Variants in PCDHA3 observed in about 807,000 individuals in gnomAD.
PCDHA3 encodes the protein protocadherin alpha 3, also known as protocadherin alpha-3.
PCDHA3 carries 41 observed loss-of-function variants against 62.2 expected under a neutral mutation model. The ratio of observed to expected loss-of-function variants is 0.66; its 90% confidence interval spans 0.51 to 0.86. The LOEUF (loss-of-function observed/expected upper bound fraction) is 0.86, where lower values mean the gene tolerates loss of function less well. Among genes scored for constraint, PCDHA3 ranks in the 40% least tolerant of loss-of-function variants. The probability of loss-of-function intolerance (pLI) is 0.00; values close to 1 mark genes in which losing one functional copy is unlikely to be tolerated. For missense variants in PCDHA3, 1,304 were observed against 1,241.2 expected (o/e 1.05, Z -0.76); for synonymous variants, 640 against 555.4 (o/e 1.15, Z -2.14).
intron 1 of PCDHA3, chr5:140,865,192 A>G (rs1306002523): frequency 6.6e-6 from 1 of 152,218 alleles, no homozygotes; most frequent in Admixed American, 6.5e-5. Context: ...CCTTCACACC[A>G]TATTAATGTG....
intron 1 of PCDHA3, chr5:140,825,461 A>T (rs1460892772): frequency 6.7e-6 from 1 of 149,438 alleles, no homozygotes; most frequent in Non-Finnish European, 1.5e-5. Context: ...AGATATTTTG[A>T]TACAGAATTT....
intron 1 of PCDHA3, chr5:140,851,337 C>A: frequency 1.0e-6 from 1 of 979,030 alleles, no homozygotes; most frequent in Non-Finnish European, 1.2e-6. Flanking sequence ...TAGTTCTCTA[C>A]ATTTCTCTGG....
chr5:140,911,381 G>A (rs2075444647), intron 1 of PCDHA3, among the ~76,000 whole-genome samples: 1 of 152,116 alleles, frequency 6.6e-6, no homozygotes, highest in African/African-American at 2.4e-5. Context: ...GGCTGTGCAT[G>A]CACCTTTCAT....
chr5:140,971,599 A>G (rs891227830), intron 1 of PCDHA3, among the ~76,000 whole-genome samples: 1 of 152,140 alleles, frequency 6.6e-6, no homozygotes, highest in African/African-American at 2.4e-5. Flanking sequence ...GTTACTACAG[A>G]TGGCAGGAGA....
chr5:140,891,912 T>C (rs2063306720), intron 1 of PCDHA3, among the ~76,000 whole-genome samples: 1 of 152,244 alleles, frequency 6.6e-6, no homozygotes, highest in Admixed American at 6.5e-5. Context: ...CTTCACCAGA[T>C]GCTGGTGCCT....
chr5:140,801,725 A>C lies in PCDHA3; in HGVS notation c.528A>C (p.Glu176Asp). The C allele has an allele frequency of 6.3e-7, 1 of 1,578,156 alleles. No homozygotes were observed. The highest frequency in any genetic ancestry group is 1.3e-5 in the African/African-American group (1 of 74,756). ...TGACTTACAGTCTTGATTCCACTGA[A>C]TATTTTACCTTGGACGTTAAAAGAA... ...SLLTYSLDSTEYFTLDVKRND... is the reference protein window; with the variant it reads ...SLLTYSLDSTDYFTLDVKRND... Residue 176 changes from glutamate to aspartate, a missense_variant, in exon 1 of 4, where the codon GAA (glutamate) becomes GAC (aspartate). Physicochemically the swap from Glu to Asp is conservative, Grantham distance 45. Coordinates refer to ENST00000522353, the MANE Select transcript of PCDHA3 (RefSeq NM_018906.3).
At chr5:140,969,120 G>T (rs1333559202) in intron 1 of PCDHA3, 1 of 1,613,970 alleles carries the variant, frequency 6.2e-7, no homozygotes, top group Non-Finnish European at 8.5e-7. Flanking sequence ...CGAGGGAATG[G>T]CTCCCTCACC....
intron 2 of PCDHA3, among the ~76,000 whole-genome samples, chr5:140,981,831 G>A (rs2096952818): frequency 6.6e-6 from 1 of 152,006 alleles, no homozygotes; most frequent in African/African-American, 2.4e-5. Flanking sequence ...TGCCTCTAAA[G>A]GTCTCCCAGT....
intron 1 of PCDHA3, among the ~76,000 whole-genome samples, chr5:140,839,337 T>C (rs1776156207): frequency 6.6e-6 from 1 of 151,424 alleles, no homozygotes; most frequent in Non-Finnish European, 1.5e-5. Context: ...CTGAAGTTGA[T>C]AGGGGATCCT....
rs73266040 is a variant in PCDHA3 at position 140,926,675 on chromosome 5, C to G, written c.2395-52274C>G. 1.5e-3 allele frequency: 923 copies of G among 601,544 alleles called. 7 individuals carry two copies. The African/African-American group carries it at 0.016, about 11-fold the overall frequency. The allele number at this position is 601,544 out of a possible 1,614,324, so 37.3% of individuals were successfully genotyped here. ...TCCGCTTTCCCAGACGGCTGCCCAG[C>G]CTCCAGCCTAGCAAGCCCGGCTCCC... On this transcript the variant is annotated intron_variant, in intron 1 of 3. Coordinates refer to ENST00000522353, the MANE Select transcript of PCDHA3 (RefSeq NM_018906.3).
chr5:140,848,883 C>G, intron 1 of PCDHA3: 1 of 1,591,194 alleles, frequency 6.3e-7, no homozygotes, highest in Non-Finnish European at 8.6e-7. Context: ...TAACGACAAC[C>G]CTCCAGTGTT....
chr5:140,906,337 C>A (rs2072574983), intron 1 of PCDHA3, among the ~76,000 whole-genome samples: 1 of 152,192 alleles, frequency 6.6e-6, no homozygotes, highest in Non-Finnish European at 1.5e-5. Flanking sequence ...ATCCTTCATA[C>A]AACCAAGAAT....
At chr5:140,902,189 C>T (rs2069172292) in intron 1 of PCDHA3, among the ~76,000 whole-genome samples, 1 of 145,890 alleles carries the variant, frequency 6.9e-6, no homozygotes, top group African/African-American at 2.6e-5. Flanking sequence ...TATGTCTTCT[C>T]TCTCTCTCTC....
intron 1 of PCDHA3, chr5:140,804,075 T>C (rs1161561312): frequency 6.2e-6 from 1 of 160,712 alleles, no homozygotes; most frequent in Non-Finnish European, 1.4e-5. Context: ...ACCTTCAGTT[T>C]CAAAAATTAG....
chr5:140,967,003 C>T, intron 1 of PCDHA3: 1 of 1,605,342 alleles, frequency 6.2e-7, no homozygotes, highest in South Asian at 1.1e-5. Context: ...GCTTGCGCAT[C>T]AACCATCTGG....
At chr5:140,877,456 A>G (rs782196648) in intron 1 of PCDHA3, 18 of 1,613,802 alleles carry the variant, frequency 1.1e-5, no homozygotes, top group Non-Finnish European at 1.5e-5. Flanking sequence ...GCTGACGTCC[A>G]CGGCCACGGT....
At chr5:140,852,749 G>A in intron 1 of PCDHA3, 3 of 984,204 alleles carry the variant, frequency 3.0e-6, no homozygotes, top group Non-Finnish European at 2.4e-6. Flanking sequence ...ATTTAAACTT[G>A]GACCCAGGTA....
At chr5:140,968,653 C>T (rs1301566656) in intron 1 of PCDHA3, 1 of 1,614,150 alleles carries the variant, frequency 6.2e-7, no homozygotes, top group Non-Finnish European at 8.5e-7. Flanking sequence ...AGACTTCTGA[C>T]CTGGACCTCT....
chr5:140,889,968 T>A (rs1373057542), intron 1 of PCDHA3, among the ~76,000 whole-genome samples: 2 of 152,170 alleles, frequency 1.3e-5, no homozygotes, highest in Non-Finnish European at 2.9e-5. Context: ...AAAATTACTA[T>A]CCAGTCTCCA....
Sources: gnomAD v4.1 joint callset for allele counts (sites outside exome capture counted in the v4.1 genomes callset) on GRCh38, gnomAD v4.1.1 for gene constraint, MANE v1.5 for transcripts, NCBI Gene and HGNC (gene_info 2026-07-23, HGNC 2026-07-21) for gene names.